Variants in ZNF385C observed in about 807,000 individuals in gnomAD.
ZNF385C encodes zinc finger protein 385C.
In ZNF385C, 28 loss-of-function variants were observed where a neutral mutation model predicts 35.4. The ratio of observed to expected loss-of-function variants is 0.79; its 90% CI spans 0.59 to 1.08. The LOEUF is 1.08. ZNF385C is among the 50% of genes least tolerant of loss of function. ZNF385C has a pLI of 0.00. For synonymous variants in ZNF385C, 248 were observed against 248.2 expected (o/e 1.00, Z 0.01); for missense variants, 605 against 595.6 (o/e 1.02, Z -0.16).
chr17:42,050,830 C>T lies in ZNF385C; in HGVS notation c.250+11977G>A, dbSNP rs1354285453. ...CGGCAGCAGGAGCCAGAGGCTAGAC[C>T]GCAGGCAGCGCGGTGCCGGGGTTCA... On this transcript the variant is annotated intron_variant, in intron 2 of 8. Transcript: ENST00000692273. The surrounding 1 kb of genome is among the most constrained non-coding windows in gnomAD (Gnocchi z 5.6). 2.6e-5 allele frequency among the ~76,000 whole-genome samples: 4 copies of T among 151,850 alleles called. No homozygotes were observed. The highest frequency in any genetic ancestry group is 5.9e-5 in the Non-Finnish European group (4 of 67,908).
intron 1 of ZNF385C, among the ~76,000 whole-genome samples, chr17:42,086,284 C>T (rs1352302618): frequency 2.0e-5 from 3 of 151,884 alleles, no homozygotes; most frequent in African/African-American, 7.3e-5. Context: ...CCTAGCTACT[C>T]GGGAGGCCGA....
intron 1 of ZNF385C, among the ~76,000 whole-genome samples, chr17:42,089,548 C>T (rs1345886737): frequency 3.9e-5 from 6 of 152,144 alleles, no homozygotes; most frequent in Non-Finnish European, 7.4e-5. Context: ...AAAAATATTA[C>T]GGGTAGAAGT....
intron 1 of ZNF385C, among the ~76,000 whole-genome samples, chr17:42,087,196 G>A (rs1272055431): frequency 2.0e-5 from 3 of 152,034 alleles, no homozygotes; most frequent in Non-Finnish European, 4.4e-5. Flanking sequence ...AAAGGGTTAA[G>A]TACAAAAAAA....
chr17:42,037,644 A>C, intron 3 of ZNF385C, 93 bp downstream of exon 3: 2 of 1,391,216 alleles, frequency 1.4e-6, no homozygotes, highest in Non-Finnish European at 1.9e-6. Context: ...TCCTGGTTAG[A>C]CCCAGCTGCT....
At chr17:42,040,883 G>T in intron 2 of ZNF385C, 1 of 1,232,298 alleles carries the variant, frequency 8.1e-7, no homozygotes, top group Non-Finnish European at 1.0e-6. Flanking sequence ...GCCCGGAGCT[G>T]TGGGCCCACA....
At chr17:42,067,743 AAC>A (rs1445646765) in intron 1 of ZNF385C, among the ~76,000 whole-genome samples, 1 of 152,060 alleles carries the variant, frequency 6.6e-6, no homozygotes, top group African/African-American at 2.4e-5. Context: ...TGTCCTCCCC[AAC>A]TCTCCCAGCA....
intron 6 of ZNF385C, chr17:42,028,579 C>T: frequency 1.5e-6 from 1 of 680,480 alleles, no homozygotes; most frequent in Non-Finnish European, 2.4e-6. Context: ...TCAGTTCTTG[C>T]TGCCTCAGAC....
At chr17:42,036,319 AT>A (rs1288828946) in intron 3 of ZNF385C, among the ~76,000 whole-genome samples, 4 of 151,876 alleles carry the variant, frequency 2.6e-5, no homozygotes, top group Admixed American at 2.6e-4. Flanking sequence ...ATTTTAAATC[AT>A]TTTTTTCTTC....
chr17:42,047,257 C>T (rs2053183383), intron 2 of ZNF385C, among the ~76,000 whole-genome samples: 1 of 152,174 alleles, frequency 6.6e-6, no homozygotes, highest in Admixed American at 6.5e-5. Flanking sequence ...TGGTCTTGAT[C>T]TCCTGACCTC....
At chr17:42,070,565 T>C (rs961850376) in intron 1 of ZNF385C, among the ~76,000 whole-genome samples, 35 of 152,134 alleles carry the variant, frequency 2.3e-4, no homozygotes, top group Non-Finnish European at 2.1e-4. Context: ...ATCGCCTCCA[T>C]GAATCCTCAG....
chr17:42,066,613 G>T (rs1291165707), intron 1 of ZNF385C, among the ~76,000 whole-genome samples: 1 of 152,158 alleles, frequency 6.6e-6, no homozygotes, highest in Non-Finnish European at 1.5e-5. Flanking sequence ...GATATTGGTT[G>T]AATTATGTCC....
intron 1 of ZNF385C, among the ~76,000 whole-genome samples, chr17:42,078,554 A>G (rs2053710196): frequency 6.6e-6 from 1 of 151,540 alleles, no homozygotes; most frequent in South Asian, 2.1e-4. Context: ...CAAGGACCTC[A>G]GTTTGCAGTA....
chr17:42,083,824 T>TTCTCC (rs2053776756), intron 1 of ZNF385C, among the ~76,000 whole-genome samples: 1 of 144,346 alleles, frequency 6.9e-6, no homozygotes, highest in Non-Finnish European at 1.5e-5. Context: ...GTTCAAGCGA[T>TTCTCC]TCTCCTGCCT....
chr17:42,070,575 G>C (rs548838090), intron 1 of ZNF385C, among the ~76,000 whole-genome samples: 1 of 152,136 alleles, frequency 6.6e-6, no homozygotes, highest in African/African-American at 2.4e-5. Flanking sequence ...TGAATCCTCA[G>C]AACAATCCTG....
intron 2 of ZNF385C, chr17:42,038,497 G>A: frequency 6.0e-6 from 1 of 166,302 alleles, no homozygotes; most frequent in Non-Finnish European, 1.3e-5. Flanking sequence ...AGTCCTTGGA[G>A]GTGGCAGGTA....
chr17:42,029,137 G>C, intron 5 of ZNF385C, 64 bp from the exon 6 acceptor site: 1 of 1,488,378 alleles, frequency 6.7e-7, no homozygotes, highest in Non-Finnish European at 9.0e-7. Context: ...CTTCAGCTCT[G>C]ACCATGGAGG....
intron 1 of ZNF385C, among the ~76,000 whole-genome samples, chr17:42,085,848 C>T (rs1181888788): frequency 1.3e-5 from 2 of 152,010 alleles, no homozygotes; most frequent in Non-Finnish European, 2.9e-5. Flanking sequence ...CCACCCACCT[C>T]GGCCTCCCAA....
In ZNF385C at chr17:42,031,787, G is replaced by T; in HGVS notation, c.511-3C>A. On this transcript the variant is annotated splice_polypyrimidine_tract_variant and splice_region_variant and intron_variant, in intron 4 of 8. Transcript: ENST00000692273. Reference sequence around the variant, plus strand: ...TTATAATGTGCCTCGGCCTGGTTCTGGGGAGGGGAGGGCAAGAGGTCACCA... The same window carrying T: ...TTATAATGTGCCTCGGCCTGGTTCTTGGGAGGGGAGGGCAAGAGGTCACCA... 1 of 1,550,452 alleles carries T rather than the reference G, an allele frequency of 6.4e-7. No homozygotes were observed. Among genetic ancestry groups the T allele is most frequent in the Non-Finnish European group, 8.7e-7 (1 of 1,146,912 alleles).
chr17:42,063,677 G>A lies in ZNF385C; in HGVS notation c.-2-619C>T, dbSNP rs1311041582. Among the ~76,000 whole-genome samples the A allele has an allele frequency of 3.3e-5, 5 of 152,316 alleles. No individual in the cohort carries two copies. The East Asian group carries it at 9.6e-4, about 29-fold the overall frequency. On this transcript the variant is annotated intron_variant, in intron 1 of 8. Transcript: ENST00000692273. The stretch of plus-strand genomic sequence containing the variant: ...AACATATCTCAGAGAGGCGGACTGG[G>A]GTCTTGGAGGAAAGGTGGTCACTGA...
Sources: allele counts gnomAD v4.1 joint callset (sites outside exome capture counted in the v4.1 genomes callset), GRCh38; gene constraint gnomAD v4.1.1; non-coding constraint Gnocchi (gnomAD v3.1); transcripts MANE v1.5; gene names NCBI Gene and HGNC (gene_info 2026-07-23, HGNC 2026-07-21).